Variants in MGAT4C observed in about 807,000 individuals in gnomAD.
MGAT4C encodes the protein MGAT4 family member C, also known as alpha-1,3-mannosyl-glycoprotein 4-beta-N-acetylglucosaminyltransferase C.
Under a neutral mutation model 40.1 loss-of-function variants are expected in MGAT4C, and 19 were observed. That is an observed-to-expected ratio of 0.47 (90% CI 0.33 to 0.70). The LOEUF (loss-of-function observed/expected upper bound fraction) is 0.70, where lower values mean the gene tolerates loss of function less well. Among genes scored for constraint, MGAT4C ranks in the 30% least tolerant of loss-of-function variants. The pLI, the probability that MGAT4C is intolerant of heterozygous loss-of-function variation, is 0.02. For missense variants in MGAT4C, 491 were observed against 563.2 expected (o/e 0.87, Z 1.30); for synonymous variants, 181 against 187.1 (o/e 0.97, Z 0.27).
chr12:86,643,502 T>C (rs972163631), intron 2 of MGAT4C, among the ~76,000 whole-genome samples: 1 of 151,862 alleles, frequency 6.6e-6, no homozygotes, highest in African/African-American at 2.4e-5. Context: ...GGAGTAATAT[T>C]GATCTATAAA....
Position 85,957,217 on chromosome 12 carries a change from T to C in MGAT4C, c.*22072A>G, listed in dbSNP as rs1362137386. 9 of 152,210 alleles carry C rather than the reference T, an allele frequency of 5.9e-5. No individual in the cohort carries two copies. Among genetic ancestry groups the C allele is most frequent in the Admixed American group, 2.0e-4 (3 of 15,266 alleles). 9.4% of individuals were successfully genotyped at this position (152,210 alleles called of 1,614,324 possible). A position where few individuals can be genotyped will look rare whatever the true frequency, so the allele number is the denominator to read the frequency against. ...TAAAAGCAGGAAGTTGAGGAAAGTTTATGTTTAATTTTTATTTTATTTTCT... is the reference window on the plus strand; with the variant it reads ...TAAAAGCAGGAAGTTGAGGAAAGTTCATGTTTAATTTTTATTTTATTTTCT... On this transcript the variant is annotated 3_prime_UTR_variant, in exon 5 of 5. Transcript: ENST00000611864.
At chr12:86,555,949 T>A (rs566536678) in intron 2 of MGAT4C, among the ~76,000 whole-genome samples, 1 of 152,296 alleles carries the variant, frequency 6.6e-6, no homozygotes, top group Non-Finnish European at 1.5e-5. Context: ...ACAATATAAA[T>A]ATAAATGGGA....
At chr12:85,981,373 T>C (rs1884586023) in intron 4 of MGAT4C, among the ~76,000 whole-genome samples, 1 of 152,154 alleles carries the variant, frequency 6.6e-6, no homozygotes, top group Non-Finnish European at 1.5e-5. Flanking sequence ...AATGGGGAAA[T>C]CTATATACAA....
At chr12:86,207,472 G>A (rs1950302361) in intron 1 of MGAT4C, among the ~76,000 whole-genome samples, 2 of 151,662 alleles carry the variant, frequency 1.3e-5, no homozygotes, top group East Asian at 3.9e-4. Context: ...CCTTGTGTGT[G>A]ATGTTCTCCT....
chr12:86,334,198 C>T (rs1299131666), intron 3 of MGAT4C: 1 of 152,098 alleles, frequency 6.6e-6, no homozygotes, highest in East Asian at 1.9e-4. Context: ...TGCAAATAAA[C>T]TCCCAGTTAG....
At chr12:86,001,171 T>A (rs988073127) in intron 2 of MGAT4C, among the ~76,000 whole-genome samples, 4 of 152,174 alleles carry the variant, frequency 2.6e-5, no homozygotes, top group African/African-American at 9.7e-5. Flanking sequence ...CACCCTGACC[T>A]GCCATCAGTA....
intron 1 of MGAT4C, among the ~76,000 whole-genome samples, chr12:86,086,077 A>G (rs189959253): frequency 4.9e-4 from 74 of 152,294 alleles, no homozygotes; most frequent in Admixed American, 4.5e-3. Flanking sequence ...TCTACTATAA[A>G]GACGCATGTA....
At chr12:86,669,075 C>T (rs73394995) in intron 2 of MGAT4C, among the ~76,000 whole-genome samples, 3,003 of 152,286 alleles carry the variant, frequency 0.02, 99 homozygotes, top group African/African-American at 0.067. Flanking sequence ...ACCACCTTTC[C>T]TGTGCAGAGA....
intron 3 of MGAT4C, among the ~76,000 whole-genome samples, chr12:86,348,407 AT>A (rs372591815): frequency 1.1e-4 from 17 of 149,882 alleles, no homozygotes; most frequent in Middle Eastern, 3.5e-3. Context: ...CCTAGTTGGG[AT>A]TTTTTTTTTC....
chr12:86,289,447 T>A (rs1953446130), intron 4 of MGAT4C, among the ~76,000 whole-genome samples: 1 of 152,144 alleles, frequency 6.6e-6, no homozygotes, highest in African/African-American at 2.4e-5. Flanking sequence ...CTGAAGAATG[T>A]CATTGGTAGT....
intron 2 of MGAT4C, among the ~76,000 whole-genome samples, chr12:86,024,604 A>G (rs1263970015): frequency 2.6e-5 from 4 of 151,822 alleles, no homozygotes; most frequent in Admixed American, 6.6e-5. Flanking sequence ...ACTGTACATC[A>G]TAGTGCATGA....
intron 2 of MGAT4C, among the ~76,000 whole-genome samples, chr12:86,629,345 G>C (rs895568236): frequency 6.6e-6 from 1 of 152,096 alleles, no homozygotes. Context: ...ACAGATCAAT[G>C]AGACAGAAGG....
intron 1 of MGAT4C, among the ~76,000 whole-genome samples, chr12:86,083,539 G>A (rs1279308013): frequency 6.6e-6 from 1 of 151,748 alleles, no homozygotes. Flanking sequence ...CAATAATCAG[G>A]AAATCCTCAC....
chr12:86,776,600 T>C (rs1951752761), intron 1 of MGAT4C, among the ~76,000 whole-genome samples: 1 of 152,072 alleles, frequency 6.6e-6, no homozygotes, highest in African/African-American at 2.4e-5. Flanking sequence ...TATGGGCTGG[T>C]GGAGAATTCA....
intron 2 of MGAT4C, among the ~76,000 whole-genome samples, chr12:86,585,672 T>C (rs1275864786): frequency 4.0e-5 from 6 of 151,284 alleles, no homozygotes; most frequent in Non-Finnish European, 7.4e-5. Context: ...TCATTTTTCT[T>C]TAAGGCATCA....
At chr12:86,555,829 C>A (rs1959583992) in intron 2 of MGAT4C, among the ~76,000 whole-genome samples, 1 of 152,194 alleles carries the variant, frequency 6.6e-6, no homozygotes, top group African/African-American at 2.4e-5. Context: ...CCTCCACACT[C>A]ATGATGGCCC....
chr12:86,396,156 G>A (rs559980248), intron 3 of MGAT4C, among the ~76,000 whole-genome samples: 8 of 151,780 alleles, frequency 5.3e-5, no homozygotes, highest in Non-Finnish European at 8.8e-5. Context: ...TTCAACTGAC[G>A]GACCTCAAAC....
chr12:86,247,977 G>A (rs1435809998), intron 1 of MGAT4C, among the ~76,000 whole-genome samples: 1 of 152,042 alleles, frequency 6.6e-6, no homozygotes, highest in African/African-American at 2.4e-5. Flanking sequence ...TTTCCTTCCT[G>A]ATCTGAAGTT....
chr12:86,138,440 C>T (rs1273530283), intron 1 of MGAT4C, among the ~76,000 whole-genome samples: 1 of 146,250 alleles, frequency 6.8e-6, no homozygotes, highest in African/African-American at 2.5e-5. Flanking sequence ...GCTCAACAAA[C>T]ATTGTATATA....
Sources: allele counts gnomAD v4.1 joint callset (sites outside exome capture counted in the v4.1 genomes callset), GRCh38; gene constraint gnomAD v4.1.1; transcripts MANE v1.5; gene names NCBI Gene and HGNC (gene_info 2026-07-23, HGNC 2026-07-21).